Variants in ZNF37A observed in about 807,000 individuals in gnomAD.
ZNF37A encodes zinc finger protein 37A.
In ZNF37A, 10 loss-of-function variants were observed where a neutral mutation model predicts 12.3. That is an observed-to-expected ratio of 0.82 (90% CI 0.50 to 1.38). The LOEUF (loss-of-function observed/expected upper bound fraction) is 1.38, where lower values mean the gene tolerates loss of function less well. Among genes scored for constraint, ZNF37A ranks in the 40% most tolerant of loss-of-function variants. ZNF37A has a pLI of 0.00. For synonymous variants in ZNF37A, 207 were observed against 223.0 expected (o/e 0.93, Z 0.64); for missense variants, 580 against 651.2 (o/e 0.89, Z 1.19).
intron 4 of ZNF37A, among the ~76,000 whole-genome samples, chr10:38,096,116 ATG>A (rs1437930290): frequency 6.6e-6 from 1 of 152,138 alleles, no homozygotes; most frequent in East Asian, 1.9e-4. Context: ...AGTCGAGATC[ATG>A]CCATCGCACT....
In ZNF37A at chr10:38,118,044, C is replaced by T. The variant is rs773095982; in HGVS notation, c.893C>T (p.Pro298Leu). The T allele has an allele frequency of 2.5e-6, 4 of 1,613,824 alleles. No individual in the cohort carries two copies. In the South Asian group the frequency reaches 4.4e-5, roughly 18 times the overall value. ...RHQRTHTGGKPYECHECGKTF... is the reference protein window; with the variant it reads ...RHQRTHTGGKLYECHECGKTF... ...CAGAGAACACACACAGGGGGAAAAC[C>T]CTATGAATGTCATGAATGTGGGAAG... The change falls in exon 8 of 8, where the codon CCC (proline) becomes CTC (leucine). Residue 298 changes from proline to leucine, a missense_variant. Coordinates refer to ENST00000685332, the MANE Select transcript of ZNF37A (RefSeq NM_001324250.3).
downstream of ZNF37A, among the ~76,000 whole-genome samples, chr10:38,126,662 A>G (rs1364211896): frequency 6.6e-6 from 1 of 152,208 alleles, no homozygotes; most frequent in African/African-American, 2.4e-5. Flanking sequence ...GAACTATGTT[A>G]TCCAGTTTTG....
chr10:38,100,149 G>A (rs1248510095), intron 5 of ZNF37A, among the ~76,000 whole-genome samples: 4 of 152,158 alleles, frequency 2.6e-5, no homozygotes, highest in Non-Finnish European at 5.9e-5. Context: ...GGGAGTATGC[G>A]AATAGGTGTG....
At chr10:38,097,570 T>G (rs2067242817) in intron 5 of ZNF37A, among the ~76,000 whole-genome samples, 2 of 97,750 alleles carry the variant, frequency 2.0e-5, no homozygotes, top group African/African-American at 4.2e-5. Flanking sequence ...GGTGACAGAG[T>G]GAGACTCTGT....
chr10:38,109,812 A>G (rs889772560), intron 5 of ZNF37A, among the ~76,000 whole-genome samples: 2 of 152,234 alleles, frequency 1.3e-5, no homozygotes, highest in Admixed American at 6.5e-5. Context: ...TTCAAGAAGA[A>G]CTGCAAACCA....
At chr10:38,117,287 G>C (rs2069344775) in intron 7 of ZNF37A, 103 bp from the exon 8 acceptor site, 1 of 1,493,150 alleles carries the variant, frequency 6.7e-7, no homozygotes. Flanking sequence ...ATAGGTATGA[G>C]GAGATAATGG....
At chr10:38,130,543 C>T (rs1336790136), downstream of ZNF37A, among the ~76,000 whole-genome samples, 1 of 152,200 alleles carries the variant, frequency 6.6e-6, no homozygotes, top group Non-Finnish European at 1.5e-5. Flanking sequence ...TTACTGCAAC[C>T]TCTGCCTTCA....
At chr10:38,109,331 C>T (rs2135953670) in intron 5 of ZNF37A, among the ~76,000 whole-genome samples, 2 of 152,176 alleles carry the variant, frequency 1.3e-5, no homozygotes, top group South Asian at 2.1e-4. Flanking sequence ...ATTGATGGAA[C>T]ATATCTCAAA....
At chr10:38,096,739 G>A (rs751612675) in intron 5 of ZNF37A, 107 bp downstream of exon 5, 42 of 1,124,468 alleles carry the variant, frequency 3.7e-5, no homozygotes, top group Non-Finnish European at 4.7e-5. Flanking sequence ...AAAATATAGA[G>A]GAGAGGTCAC....
chr10:38,104,066 C>G (rs910950517), intron 5 of ZNF37A, among the ~76,000 whole-genome samples: 2 of 152,212 alleles, frequency 1.3e-5, no homozygotes, highest in Non-Finnish European at 2.9e-5. Flanking sequence ...CAATTCCCTG[C>G]TTTATGCAGG....
At position 38,115,248 on chromosome 10, in the gene ZNF37A, C is replaced by T. The variant is rs1208059653; in HGVS notation, c.196C>T (p.Pro66Ser). 1 of 1,613,522 alleles carries T rather than the reference C, an allele frequency of 6.2e-7. No individual in the cohort carries two copies. Among genetic ancestry groups the T allele is most frequent in the Non-Finnish European group, 8.5e-7 (1 of 1,179,904 alleles). ...VILKLEKGEE[P>S]WILEEKFPSQ... ...TCTCAAGTTGGAGAAAGGCGAGGAG[C>T]CATGGATATTAGAGGAAAAATTTCC... Residue 66 changes from proline (P) to serine (S), a missense_variant, in exon 7 of 8, where the codon CCA (proline) becomes TCA (serine). By Grantham distance (74) the Pro-to-Ser change is moderately conservative (BLOSUM62 -1). Transcript: ENST00000685332.
At chr10:38,132,583 G>A (rs1202174189) in intron 7 of ZNF37A, among the ~76,000 whole-genome samples, 1 of 152,022 alleles carries the variant, frequency 6.6e-6, no homozygotes, top group Non-Finnish European at 1.5e-5. Context: ...AATAAAGTAA[G>A]ATAGTCAACA....
At chr10:38,115,094 TG>T in intron 6 of ZNF37A, 100 bp from the exon 7 acceptor site, 1 of 986,302 alleles carries the variant, frequency 1.0e-6, no homozygotes, top group East Asian at 2.6e-5. Context: ...TGTGTGTGTG[TG>T]TGTGTGTGTG....
chr10:38,140,828 A>T (rs1259874327), intron 7 of ZNF37A: 1 of 152,238 alleles, frequency 6.6e-6, no homozygotes. Context: ...AGCAGGCCAG[A>T]AAGTGCTCAA....
chr10:38,108,276 G>T (rs1211774031), intron 5 of ZNF37A, among the ~76,000 whole-genome samples: 1 of 152,094 alleles, frequency 6.6e-6, no homozygotes, highest in Non-Finnish European at 1.5e-5. Flanking sequence ...AATTAAGGCA[G>T]AAATAAAAAG....
intron 7 of ZNF37A, among the ~76,000 whole-genome samples, chr10:38,133,728 GGTT>G (rs2070066488): frequency 6.6e-6 from 1 of 152,072 alleles, no homozygotes; most frequent in South Asian, 2.1e-4. Context: ...TGGATATTTG[GGTT>G]GGTTCCAAGT....
At chr10:38,104,842 T>C (rs945878036) in intron 5 of ZNF37A, among the ~76,000 whole-genome samples, 11 of 152,174 alleles carry the variant, frequency 7.2e-5, no homozygotes, top group African/African-American at 2.7e-4. Flanking sequence ...ATACATATTT[T>C]TTAAACAATG....
chr10:38,121,351 TTTA>T lies in ZNF37A; in HGVS notation c.*2520_*2522del, dbSNP rs1316590616. On this transcript the variant is annotated 3_prime_UTR_variant, in exon 8 of 8. Coordinates refer to ENST00000685332, the MANE Select transcript of ZNF37A (RefSeq NM_001324250.3). ...GATGTTTATTAGGGCAATCAAAAGA[TTTA>T]TTATTTTAAAAAAATCAGTGTGGAC... 4 of 152,172 alleles carry T rather than the reference TTTA, an allele frequency of 2.6e-5. No individual in the cohort carries two copies. The highest frequency in any genetic ancestry group is 9.7e-5 in the African/African-American group (4 of 41,440). 9.4% of individuals were successfully genotyped at this position (152,172 alleles called of 1,614,324 possible). A position where few individuals can be genotyped will look rare whatever the true frequency, so the allele number is the denominator to read the frequency against.
chr10:38,146,072 C>T (rs1267978122), intron 7 of ZNF37A, among the ~76,000 whole-genome samples: 1 of 152,148 alleles, frequency 6.6e-6, no homozygotes, highest in Non-Finnish European at 1.5e-5. Flanking sequence ...TGCACTCCAG[C>T]CTGGGCAACA....
Sources: allele counts gnomAD v4.1 joint callset (sites outside exome capture counted in the v4.1 genomes callset), GRCh38; gene constraint gnomAD v4.1.1; transcripts MANE v1.5; gene names NCBI Gene and HGNC (gene_info 2026-07-23, HGNC 2026-07-21).